NXN: variants seen among roughly 807,000 people sequenced by gnomAD.
NXN encodes nucleoredoxin 1.
NXN carries 16 observed loss-of-function variants against 48.6 expected under a neutral mutation model. The ratio of observed to expected loss-of-function variants is 0.33; its 90% CI spans 0.22 to 0.50. The LOEUF (loss-of-function observed/expected upper bound fraction) is 0.50, where lower values mean the gene tolerates loss of function less well. Ranked by LOEUF, NXN falls within the 20% of genes least tolerant of loss-of-function variation. The pLI, the probability that NXN is intolerant of heterozygous loss-of-function variation, is 0.98. For missense variants in NXN, 492 were observed against 605.5 expected (o/e 0.81, Z 1.97); for synonymous variants, 281 against 269.6 (o/e 1.04, Z -0.41).
At position 919,864 on chromosome 17, in the gene NXN, C is replaced by A. The variant is rs998603756; in HGVS notation, c.360+59455G>T. Among the ~76,000 whole-genome samples the A allele has an allele frequency of 6.6e-6, 1 of 152,154 alleles. No individual in the cohort carries two copies. Among genetic ancestry groups the A allele is most frequent in the African/African-American group, 2.4e-5 (1 of 41,432 alleles). Reference sequence around the variant, plus strand: ...GACCTCATCTAGCTACATAGCTACACCTCCCTCTTGTCACCTTGCAGACTG... The same window carrying A: ...GACCTCATCTAGCTACATAGCTACAACTCCCTCTTGTCACCTTGCAGACTG... On this transcript the variant is annotated intron_variant, in intron 1 of 7. Coordinates refer to ENST00000336868, the MANE Select transcript of NXN (RefSeq NM_022463.5). The surrounding 1 kb of genome is among the most constrained non-coding windows in gnomAD (Gnocchi z 5.1).
At chr17:884,922 AAAAC>A (rs1216106796) in intron 1 of NXN, among the ~76,000 whole-genome samples, 2 of 152,304 alleles carry the variant, frequency 1.3e-5, no homozygotes, top group East Asian at 3.9e-4. Flanking sequence ...GCTTTCCCCC[AAAAC>A]AAACACTCAG....
intron 6 of NXN, 152 bp from the exon 7 acceptor site, chr17:803,958 T>A (rs762578928): frequency 1.1e-6 from 1 of 928,704 alleles, no homozygotes. Flanking sequence ...CAGGTCTTGC[T>A]CCCCGCATGC....
chr17:959,552 T>C (rs1170110777), intron 1 of NXN, among the ~76,000 whole-genome samples: 1 of 151,482 alleles, frequency 6.6e-6, no homozygotes, highest in Non-Finnish European at 1.5e-5. Flanking sequence ...ATCCCAGCAC[T>C]TTCGGAGGCT....
intron 1 of NXN, among the ~76,000 whole-genome samples, chr17:869,510 T>C (rs928544330): frequency 2.6e-5 from 4 of 152,238 alleles, no homozygotes; most frequent in African/African-American, 7.2e-5. Flanking sequence ...CAGGACCATA[T>C]TGGCAAAAGC....
chr17:883,495 T>C (rs2144842979), intron 1 of NXN, among the ~76,000 whole-genome samples: 1 of 152,190 alleles, frequency 6.6e-6, no homozygotes, highest in African/African-American at 2.4e-5. Flanking sequence ...GACCTCAGGC[T>C]AAGGAAAGAA....
chr17:892,885 A>T (rs779020071), intron 1 of NXN, among the ~76,000 whole-genome samples: 9 of 152,258 alleles, frequency 5.9e-5, no homozygotes, highest in Non-Finnish European at 1.3e-4. Flanking sequence ...AACTTCAGAT[A>T]GTAACAATGT....
In NXN at chr17:907,824, A is replaced by T. The variant is rs1567857780; in HGVS notation, c.360+71495T>A. 8 of 152,274 alleles carry T rather than the reference A, an allele frequency of 5.3e-5. 2 individuals are homozygous for T. The highest frequency in any genetic ancestry group is 5.2e-4 in the Admixed American group (8 of 15,296). The allele number at this position is 152,274 out of a possible 1,614,324, so 9.4% of individuals were successfully genotyped here. On this transcript the variant is annotated intron_variant, in intron 1 of 7. Coordinates refer to ENST00000336868, the MANE Select transcript of NXN (RefSeq NM_022463.5). ...AAAATATAATGGATGGCAGAAAACA[A>T]GGGAGGTGGGTTCTGTCCTCTCGAA...
chr17:891,782 C>CCCAAGCTAACCCCACCATGCACAAT (rs1567851229), intron 1 of NXN, among the ~76,000 whole-genome samples: 21 of 107,962 alleles, frequency 1.9e-4, no homozygotes, highest in South Asian at 6.7e-4. Flanking sequence ...CCATGCAGAA[C>CCCAAGCTAACCCCACCATGCACAAT]CCAACAGGGA....
intron 1 of NXN, among the ~76,000 whole-genome samples, chr17:868,637 G>A (rs1180864675): frequency 3.3e-5 from 5 of 152,066 alleles, no homozygotes; most frequent in Admixed American, 2.0e-4. Context: ...GACAACAGGC[G>A]CCCACCACCA....
chr17:914,731 G>A (rs893792423), intron 1 of NXN, among the ~76,000 whole-genome samples: 20 of 152,162 alleles, frequency 1.3e-4, no homozygotes, highest in African/African-American at 4.8e-4. Context: ...CTCAGCAAGC[G>A]AGTTAACAGG....
Position 978,267 on chromosome 17 carries a change from G to A in NXN, c.360+1052C>T, listed in dbSNP as rs895588831. On this transcript the variant is annotated intron_variant, in intron 1 of 7. Coordinates refer to ENST00000336868, the MANE Select transcript of NXN (RefSeq NM_022463.5). This position sits in a 1 kb window ranked among gnomAD's most constrained non-coding sequence, Gnocchi z 4.1. ...ACGTTGCATCATATACACTCACGAA[G>A]CAACAGCGCTCCAAAACTTTTTCTG... 3.3e-5 allele frequency: 5 copies of A among 152,320 alleles called. No individual in the cohort carries two copies. Among genetic ancestry groups the A allele is most frequent in the African/African-American group, 1.2e-4 (5 of 41,548 alleles). The allele number at this position is 152,320 out of a possible 1,614,324, so 9.4% of individuals were successfully genotyped here. A position where few individuals can be genotyped will look rare whatever the true frequency, so the allele number is the denominator to read the frequency against.
chr17:972,043 G>A (rs8082209), intron 1 of NXN, among the ~76,000 whole-genome samples: 3 of 152,092 alleles, frequency 2.0e-5, no homozygotes, highest in East Asian at 3.9e-4. Flanking sequence ...GCTCACACCC[G>A]TAAGCCCAGC....
chr17:829,587 C>T (rs1415491972), intron 1 of NXN, among the ~76,000 whole-genome samples: 1 of 151,832 alleles, frequency 6.6e-6, no homozygotes, highest in Non-Finnish European at 1.5e-5. Context: ...GCCCCGCATG[C>T]ATTAGGTATT....
intron 1 of NXN, among the ~76,000 whole-genome samples, chr17:973,682 T>C (rs2069419700): frequency 6.6e-6 from 1 of 152,010 alleles, no homozygotes; most frequent in African/African-American, 2.4e-5. Context: ...TTTTTTTTAT[T>C]TAATTTTTTT....
intron 1 of NXN, among the ~76,000 whole-genome samples, chr17:861,105 T>C (rs910023959): frequency 1.3e-5 from 2 of 152,074 alleles, no homozygotes; most frequent in Non-Finnish European, 2.9e-5. Flanking sequence ...CAGTATCAAC[T>C]CAAGATTTTA....
intron 1 of NXN, chr17:896,771 T>C (rs1278202358): frequency 1.1e-6 from 1 of 889,052 alleles, no homozygotes; most frequent in Non-Finnish European, 1.4e-6. Flanking sequence ...TCTCCTCGAC[T>C]TCAAAGCTTC....
At chr17:897,758 C>A (rs1308721254) in intron 1 of NXN, among the ~76,000 whole-genome samples, 3 of 152,166 alleles carry the variant, frequency 2.0e-5, no homozygotes, top group Non-Finnish European at 4.4e-5. Flanking sequence ...TCACTGCAAC[C>A]TCGGCCTCCA....
intron 1 of NXN, among the ~76,000 whole-genome samples, chr17:840,036 G>T (rs1167527698): frequency 6.6e-6 from 1 of 151,370 alleles, no homozygotes; most frequent in Non-Finnish European, 1.5e-5. Context: ...GGTGGAGGTT[G>T]CAGTGAGCTG....
intron 1 of NXN, among the ~76,000 whole-genome samples, chr17:833,166 C>T (rs976157141): frequency 1.8e-4 from 28 of 152,186 alleles, no homozygotes; most frequent in Non-Finnish European, 3.5e-4. Context: ...GCTGGGATTA[C>T]AGGCATGAGC....
Sources: gnomAD v4.1 joint callset for allele counts (sites outside exome capture counted in the v4.1 genomes callset) on GRCh38, gnomAD v4.1.1 for gene constraint, Gnocchi (gnomAD v3.1) non-coding constraint, MANE v1.5 for transcripts, NCBI Gene and HGNC (gene_info 2026-07-23, HGNC 2026-07-21) for gene names.